Variants in ASIC3 observed in about 807,000 individuals in gnomAD.
The protein encoded by ASIC3 is acid-sensing ion channel 3.
A neutral mutation model predicts 58.6 loss-of-function variants in ASIC3; 46 were observed. That is an observed-to-expected ratio of 0.79 (90% CI 0.62 to 1.00). The LOEUF (loss-of-function observed/expected upper bound fraction) is 1.00. Ranked by LOEUF, ASIC3 falls within the 50% of genes least tolerant of loss-of-function variation. The pLI is 0.00. For missense variants in ASIC3, 770 were observed against 735.0 expected, an observed-to-expected ratio of 1.05 and a Z score of -0.55; for synonymous variants, 336 against 300.2, an observed-to-expected ratio of 1.12 and a Z score of -1.23.
chr7:151,051,184 G>C lies in ASIC3; in HGVS notation c.1079G>C (p.Arg360Pro), dbSNP rs758486487. 1.3e-6 allele frequency: 2 copies of C among 1,592,812 alleles called. No homozygotes were observed. The highest frequency in any genetic ancestry group is 4.5e-5 in the East Asian group (2 of 44,114). ...CGGTGGCCCGCAGATGCCATGCTTC[G>C]CAAGGACTCGTGCGCCTGCCCCAAC... The part of the protein sequence containing the change: ...CAHPAIDAML[R>P]KDSCACPNPC... The change falls in exon 6 of 11, where the codon CGC becomes CCC. Residue 360 changes from arginine (R) to proline (P), a missense_variant. Physicochemically the swap from Arg to Pro is moderately radical, Grantham distance 103 (BLOSUM62 -2). Transcript: ENST00000349064.
chr7:151,052,181 G>A lies in ASIC3; in HGVS notation c.1402G>A (p.Val468Ile). 1.9e-6 allele frequency: 3 copies of A among 1,614,028 alleles called. No individual in the cohort carries two copies. The highest frequency in any genetic ancestry group is 2.5e-6 in the Non-Finnish European group (3 of 1,179,978). ...TTGCCTCCAGGTGTTCCGAGACAAGGTCCTGGGATATTTCTGGAACCGACA... is the reference window on the plus strand; with the variant it reads ...TTGCCTCCAGGTGTTCCGAGACAAGATCCTGGGATATTTCTGGAACCGACA... ...DYLCEVFRDK[V>I]LGYFWNRQHS... The change falls in exon 9 of 11, where the codon GTC (valine) becomes ATC (isoleucine). Residue 468 changes from valine (V) to isoleucine (I), a missense_variant. Physicochemically the swap from Val to Ile is conservative, Grantham distance 29. Coordinates refer to ENST00000349064, the MANE Select transcript of ASIC3 (RefSeq NM_004769.4). The surrounding 1 kb of genome is among the most constrained non-coding windows in gnomAD (Gnocchi z 5.0).
rs1796688155 is a variant in ASIC3, at chr7:151,048,791, C to T, written c.-95C>T. ...CTCTCTTCTCCTCTCCTTGCCTGGC[C>T]TCCTGAATCCTATCTTAGCCTCCTT... On this transcript the variant is annotated 5_prime_UTR_variant, in exon 1 of 11. Transcript: ENST00000349064. The T allele has an allele frequency of 1.4e-6, 2 of 1,445,448 alleles. No individual in the cohort carries two copies. The highest frequency in any genetic ancestry group is 4.6e-5 in the East Asian group (2 of 43,446). 89.5% of individuals were successfully genotyped at this position (1,445,448 alleles called of 1,614,324 possible).
Position 151,050,419 on chromosome 7 carries a change from T to C in ASIC3, c.686-62T>C, listed in dbSNP as rs1223007762. 5 of 1,596,072 alleles carry C rather than the reference T, an allele frequency of 3.1e-6. No homozygotes were observed. In the Admixed American group the frequency reaches 6.8e-5, roughly 22 times the overall value. On this transcript the variant is annotated intron_variant, in intron 2 of 10. Coordinates refer to ENST00000349064, the MANE Select transcript of ASIC3 (RefSeq NM_004769.4). ...GGGAGAGGGGCTGCAGTGAGAGGTC[T>C]TGTCTGGTTGGGCAGGAGACCTGAC...
At position 151,048,985 on chromosome 7, in the gene ASIC3, G is replaced by C. The variant is rs187671745; in HGVS notation, c.100G>C (p.Gly34Arg). 1.2e-6 allele frequency: 2 copies of C among 1,608,898 alleles called. No individual in the cohort carries two copies. The highest frequency in any genetic ancestry group is 1.7e-6 in the Non-Finnish European group (2 of 1,176,438). ...CSMHGLGHVF[G>R]PGSLSLRRGM... Reference sequence around the variant, plus strand: ...GATGCACGGGCTGGGCCACGTCTTCGGGCCAGGCAGCCTGAGCCTGCGCCG... The same window carrying C: ...GATGCACGGGCTGGGCCACGTCTTCCGGCCAGGCAGCCTGAGCCTGCGCCG... The change falls in exon 1 of 11, where the codon GGG becomes CGG. Residue 34 changes from glycine to arginine, a missense_variant. Coordinates refer to ENST00000349064, the MANE Select transcript of ASIC3 (RefSeq NM_004769.4).
In ASIC3 at chr7:151,052,729, A is replaced by G; in HGVS notation, c.*77A>G. ...GCCTGCACGTAGCTTTTCCGTCTTC[A>G]CCCCAAATAAAGTCCTAATGCATCA... On this transcript the variant is annotated 3_prime_UTR_variant, in exon 11 of 11. Transcript: ENST00000349064. The surrounding 1 kb of genome is among the most constrained non-coding windows in gnomAD (Gnocchi z 5.0). 6.2e-7 allele frequency: 1 copy of G among 1,613,906 alleles called. No homozygotes were observed. Among genetic ancestry groups the G allele is most frequent in the Non-Finnish European group, 8.5e-7 (1 of 1,179,900 alleles).
upstream of ASIC3, chr7:151,048,373 C>T: frequency 6.3e-6 from 1 of 157,598 alleles, no homozygotes; most frequent in Non-Finnish European, 1.4e-5. Flanking sequence ...TCAAGCTCTC[C>T]CTAGGATTAC....
At position 151,050,076 on chromosome 7, in the gene ASIC3, G is replaced by T. The variant is rs1796730806; in HGVS notation, c.535-30G>T. 3 of 1,613,486 alleles carry T rather than the reference G, an allele frequency of 1.9e-6. No individual in the cohort carries two copies. In the Admixed American group the frequency reaches 5.0e-5, roughly 27 times the overall value. On this transcript the variant is annotated intron_variant, in intron 1 of 10. Transcript: ENST00000349064. The stretch of plus-strand genomic sequence containing the variant: ...CATGACCATGTGCCTGCCTGGGGGA[G>T]ATGGCCATCACCCTGTCTGCCCGCC...
In ASIC3 at chr7:151,051,169, C is replaced by T. The variant is rs1348177469; in HGVS notation, c.1067-3C>T. ...GCGTCTGACGCGGCCCGGTGGCCCGCAGATGCCATGCTTCGCAAGGACTCG... is the reference window on the plus strand; with the variant it reads ...GCGTCTGACGCGGCCCGGTGGCCCGTAGATGCCATGCTTCGCAAGGACTCG... On this transcript the variant is annotated splice_polypyrimidine_tract_variant and splice_region_variant and intron_variant, in intron 5 of 10. Transcript: ENST00000349064. The T allele has an allele frequency of 6.3e-7, 1 of 1,594,784 alleles. No homozygotes were observed. Among genetic ancestry groups the T allele is most frequent in the Non-Finnish European group, 8.5e-7 (1 of 1,175,296 alleles).
Position 151,050,575 on chromosome 7 carries a change from C to T in ASIC3, c.780C>T (p.Gly260=). The T allele has an allele frequency of 6.2e-7, 1 of 1,614,086 alleles. No individual in the cohort carries two copies. The highest frequency in any genetic ancestry group is 8.5e-7 in the Non-Finnish European group (1 of 1,179,984). The stretch of plus-strand genomic sequence containing the variant: ...AGCTGGGCTTGGGGGTGTCCCCGGG[C>T]TACCAGACCTTTGTTTCTTGCCAGC... ...IDQLGLGVSP[G]YQTFVSCQQQ... is the part of the protein sequence containing the mutation. The change falls in exon 3 of 11, where the codon GGC becomes GGT. Residue 260 remains glycine (G), a synonymous_variant. Coordinates refer to ENST00000349064, the MANE Select transcript of ASIC3 (RefSeq NM_004769.4).
At chr7:151,051,720 G>A in intron 6 of ASIC3, 90 bp from the exon 7 acceptor site, 3 of 1,376,270 alleles carry the variant, frequency 2.2e-6, no homozygotes, top group South Asian at 2.4e-5. Context: ...CAGGGTTCTT[G>A]AAAGGAGTGG....
In ASIC3 at chr7:151,051,024, C is replaced by T. The variant is rs773763765; in HGVS notation, c.1010-15C>T. On this transcript the variant is annotated splice_polypyrimidine_tract_variant and intron_variant, in intron 4 of 10. Coordinates refer to ENST00000349064, the MANE Select transcript of ASIC3 (RefSeq NM_004769.4). ...GCTGAGGCTGCTTCTAAAGCCATCT[C>T]CCCGGTACCCGCAGGCGACGTGCCA... The T allele has an allele frequency of 3.5e-5, 57 of 1,613,342 alleles. No homozygotes were observed. In the East Asian group the frequency reaches 1.2e-3, roughly 35 times the overall value.
At position 151,051,073 on chromosome 7, in the gene ASIC3, G is replaced by T. The variant is rs533277404; in HGVS notation, c.1044G>T (p.Lys348Asn). The change falls in exon 5 of 11, where the codon AAG becomes AAT. Residue 348 changes from lysine to asparagine, a missense_variant. Lys to Asn is a moderately conservative substitution (Grantham distance 94). Transcript: ENST00000349064. ...CAGTGTGCAGCCCCCAGCAGTACAAGAACTGTGCCCACCCGGCCATAGGTA... is the reference window on the plus strand; with the variant it reads ...CAGTGTGCAGCCCCCAGCAGTACAATAACTGTGCCCACCCGGCCATAGGTA... The part of the protein sequence containing the change: ...DVPVCSPQQY[K>N]NCAHPAIDAM... The T allele has an allele frequency of 6.2e-7, 1 of 1,612,968 alleles. No individual in the cohort carries two copies. The highest frequency in any genetic ancestry group is 1.3e-5 in the African/African-American group (1 of 74,938).
rs763712912 is a variant in ASIC3, at chr7:151,052,588, CCT to C, written c.1533_1534del (p.Ala513ArgfsTer51). ...CTGTTCCGAAGACCTCCCACCCCTC[CCT>C]GTGCCGTCACCAAGACTCTCTCCGC... On this transcript the variant is annotated frameshift_variant, in exon 11 of 11. Transcript: ENST00000349064. LOFTEE classifies it high-confidence loss of function. The surrounding 1 kb of genome is among the most constrained non-coding windows in gnomAD (Gnocchi z 5.0). The C allele has an allele frequency of 5.8e-5, 94 of 1,614,004 alleles. No homozygotes were observed. The highest frequency in any genetic ancestry group is 1.0e-5 in the Non-Finnish European group (12 of 1,179,998).
Position 151,052,407 on chromosome 7 carries a change from C to G in ASIC3, c.1459-9C>G, listed in dbSNP as rs751312126. On this transcript the variant is annotated splice_polypyrimidine_tract_variant and intron_variant, in intron 9 of 10. Transcript: ENST00000349064. This position sits in a 1 kb window ranked among gnomAD's most constrained non-coding sequence, Gnocchi z 5.0. ...ACTCCCCACCTCTGACCCTCTCGTC[C>G]TCACACAGCTTCAGGAAGGGCTGGG... 6.2e-7 allele frequency: 1 copy of G among 1,614,050 alleles called. No homozygotes were observed. The highest frequency in any genetic ancestry group is 2.2e-5 in the East Asian group (1 of 44,880).
At position 151,051,095 on chromosome 7, in the gene ASIC3, G is replaced by A. The variant is rs1254186574; in HGVS notation, c.1066G>A (p.Asp356Asn). 6.2e-7 allele frequency: 1 copy of A among 1,611,798 alleles called. No homozygotes were observed. The highest frequency in any genetic ancestry group is 8.5e-7 in the Non-Finnish European group (1 of 1,179,780). The change falls in exon 5 of 11, where the codon GAT becomes AAT. Residue 356 changes from aspartate (D) to asparagine (N), a missense_variant and splice_region_variant. Physicochemically the swap from Asp to Asn is conservative, Grantham distance 23. Transcript: ENST00000349064. The stretch of plus-strand genomic sequence containing the variant: ...CAAGAACTGTGCCCACCCGGCCATA[G>A]GTAAGGGCGAGCCTCCCCCACCTCC... ...QYKNCAHPAI[D>N]AMLRKDSCAC...
At chr7:151,049,530 C>A in intron 1 of ASIC3, 111 bp downstream of exon 1, 2 of 1,334,268 alleles carry the variant, frequency 1.5e-6, no homozygotes, top group Non-Finnish European at 2.0e-6. Flanking sequence ...CAGGGGACCT[C>A]TTCCTTCCTA....
chr7:151,048,783 T>C lies in ASIC3; in HGVS notation c.-103T>C. ...CTCCCACCCTCTCTTCTCCTCTCCT[T>C]GCCTGGCCTCCTGAATCCTATCTTA... On this transcript the variant is annotated 5_prime_UTR_variant, in exon 1 of 11. Transcript: ENST00000349064. 7.1e-7 allele frequency: 1 copy of C among 1,406,416 alleles called. No individual in the cohort carries two copies. Among genetic ancestry groups the C allele is most frequent in the South Asian group, 1.4e-5 (1 of 71,300 alleles). The allele number at this position is 1,406,416 out of a possible 1,614,324, so 87.1% of individuals were successfully genotyped here. A position where few individuals can be genotyped will look rare whatever the true frequency, so the allele number is the denominator to read the frequency against.
Position 151,052,553 on chromosome 7 carries a change from G to C in ASIC3, c.1518-21G>C. On this transcript the variant is annotated intron_variant, in intron 10 of 10. Coordinates refer to ENST00000349064, the MANE Select transcript of ASIC3 (RefSeq NM_004769.4). The surrounding 1 kb of genome is among the most constrained non-coding windows in gnomAD (Gnocchi z 5.0). ...AGTGGGTGTGCCCGTTCCCACCCCA[G>C]CACTCTGCTCTGTTCCGAAGACCTC... 6.2e-7 allele frequency: 1 copy of C among 1,613,690 alleles called. No homozygotes were observed. Among genetic ancestry groups the C allele is most frequent in the Non-Finnish European group, 8.5e-7 (1 of 1,179,808 alleles).
intron 2 of ASIC3, 32 bp from the exon 3 acceptor site, chr7:151,050,449 C>T: frequency 4.3e-6 from 7 of 1,609,352 alleles, no homozygotes; most frequent in Non-Finnish European, 5.9e-6. Flanking sequence ...CCTGACCACA[C>T]AGGTCAGGCC....
Sources: allele counts gnomAD v4.1 joint callset, GRCh38; gene constraint gnomAD v4.1.1; non-coding constraint Gnocchi (gnomAD v3.1); transcripts MANE v1.5; gene names NCBI Gene and HGNC (gene_info 2026-07-23, HGNC 2026-07-21).